ADGRL2: variants seen among roughly 807,000 people sequenced by gnomAD.
The protein encoded by ADGRL2 is calcium-independent alpha-latrotoxin receptor 2.
ADGRL2 carries 44 observed loss-of-function variants against 157.4 expected under a neutral mutation model. That is an observed-to-expected ratio of 0.28 (90% CI 0.22 to 0.36). ADGRL2 has a LOEUF of 0.36. Among genes scored for constraint, ADGRL2 ranks in the 10% least tolerant of loss-of-function variants. The probability of loss-of-function intolerance (pLI) is 1.00; values close to 1 mark genes in which losing one functional copy is unlikely to be tolerated. For synonymous variants in ADGRL2, 585 were observed against 624.7 expected (o/e 0.94, Z 0.95); for missense variants, 1,510 against 1,768.9 (o/e 0.85, Z 2.63).
chr1:81,894,126 G>T (rs771619681), intron 2 of ADGRL2, among the ~76,000 whole-genome samples: 4 of 152,158 alleles, frequency 2.6e-5, no homozygotes, highest in Non-Finnish European at 5.9e-5. Flanking sequence ...TCTGGAAGTG[G>T]TAGAGTTGTC....
intron 2 of ADGRL2, among the ~76,000 whole-genome samples, chr1:81,452,802 T>C (rs996061830): frequency 2.0e-5 from 3 of 152,134 alleles, no homozygotes; most frequent in Non-Finnish European, 1.5e-5. Context: ...GATGAAGATA[T>C]GAAACCTAAA....
At chr1:81,673,638 C>T (rs2082921893) in intron 3 of ADGRL2, among the ~76,000 whole-genome samples, 1 of 151,718 alleles carries the variant, frequency 6.6e-6, no homozygotes, top group African/African-American at 2.4e-5. Context: ...CCTCAGCCTC[C>T]CAAGGAGCTG....
intron 2 of ADGRL2, among the ~76,000 whole-genome samples, chr1:81,896,472 C>G (rs1362103277): frequency 1.3e-5 from 2 of 152,042 alleles, no homozygotes; most frequent in African/African-American, 4.8e-5. Flanking sequence ...AAAATGTCAT[C>G]TTTGTCCTGT....
At chr1:81,430,265 C>T (rs1483262049) in intron 1 of ADGRL2, among the ~76,000 whole-genome samples, 1 of 152,128 alleles carries the variant, frequency 6.6e-6, no homozygotes, top group Admixed American at 6.5e-5. Flanking sequence ...GTAGCAAGTG[C>T]TTGATGAAAA....
chr1:81,745,476 G>A (rs1428592875), intron 1 of ADGRL2, among the ~76,000 whole-genome samples: 2 of 152,156 alleles, frequency 1.3e-5, no homozygotes, highest in Non-Finnish European at 2.9e-5. Context: ...CAACAGAAAT[G>A]GCAATTTCAT....
At chr1:81,342,504 T>C (rs898054469) in intron 1 of ADGRL2, among the ~76,000 whole-genome samples, 1 of 152,176 alleles carries the variant, frequency 6.6e-6, no homozygotes, top group Non-Finnish European at 1.5e-5. Flanking sequence ...AGTCTACTAT[T>C]TTATAACAAA....
intron 3 of ADGRL2, among the ~76,000 whole-genome samples, chr1:81,666,816 T>G (rs2148899592): frequency 6.6e-6 from 1 of 152,350 alleles, no homozygotes; most frequent in South Asian, 2.1e-4. Flanking sequence ...CCATTGGCCT[T>G]ATGGTCAACC....
At chr1:81,828,407 G>GT (rs776394888) in intron 1 of ADGRL2, among the ~76,000 whole-genome samples, 38 of 150,852 alleles carry the variant, frequency 2.5e-4, no homozygotes, top group African/African-American at 3.7e-4. Flanking sequence ...CATTGGAAAT[G>GT]TTTTTTTTTA....
At chr1:81,730,569 A>C (rs1311039220) in intron 1 of ADGRL2, among the ~76,000 whole-genome samples, 1 of 152,056 alleles carries the variant, frequency 6.6e-6, no homozygotes, top group Non-Finnish European at 1.5e-5. Flanking sequence ...CTAAAATTAC[A>C]AAACTTAGCC....
intron 1 of ADGRL2, among the ~76,000 whole-genome samples, chr1:81,373,789 T>A (rs2076200441): frequency 6.6e-6 from 1 of 152,186 alleles, no homozygotes; most frequent in African/African-American, 2.4e-5. Flanking sequence ...GTTTGAATGA[T>A]GACACGGAGG....
chr1:81,404,374 T>C (rs1436646080), intron 1 of ADGRL2, among the ~76,000 whole-genome samples: 1 of 152,228 alleles, frequency 6.6e-6, no homozygotes, highest in Admixed American at 6.5e-5. Context: ...TAGCGTTTAG[T>C]ATGTCCCAGA....
chr1:81,573,104 C>G (rs1200229295), intron 2 of ADGRL2, among the ~76,000 whole-genome samples: 1 of 151,874 alleles, frequency 6.6e-6, no homozygotes, highest in East Asian at 1.9e-4. Flanking sequence ...GCAAAACTCT[C>G]TAATTTAATA....
At position 81,312,011 on chromosome 1, in the gene ADGRL2, C is replaced by T. The variant is rs567900471; in HGVS notation, c.-302+5502C>T. On this transcript the variant is annotated intron_variant, in intron 1 of 24. Coordinates refer to the ADGRL2 transcript ENST00000370721. ...ACTTCAGTTTTCAGCTTTTAAACCT[C>T]TGTCACTAAATCTTCAGACACTATA... 2.5e-4 allele frequency among the ~76,000 whole-genome samples: 38 copies of T among 152,262 alleles called. No homozygotes were observed. The Middle Eastern group carries it at 0.01, about 41-fold the overall frequency.
At chr1:81,349,934 C>A (rs938616510) in intron 1 of ADGRL2, among the ~76,000 whole-genome samples, 1 of 152,088 alleles carries the variant, frequency 6.6e-6, no homozygotes, top group Non-Finnish European at 1.5e-5. Flanking sequence ...GTCAAGAAAG[C>A]ACTTTACAAT....
intron 1 of ADGRL2, among the ~76,000 whole-genome samples, chr1:81,382,742 A>G (rs978685727): frequency 2.6e-5 from 4 of 152,216 alleles, no homozygotes; most frequent in African/African-American, 4.8e-5. Flanking sequence ...GATTGATACA[A>G]TTGGTCTTAT....
chr1:81,347,644 A>C (rs1320002064), intron 1 of ADGRL2, among the ~76,000 whole-genome samples: 1 of 152,198 alleles, frequency 6.6e-6, no homozygotes, highest in Non-Finnish European at 1.5e-5. Flanking sequence ...ATTGTTAATC[A>C]AAAAGGAATC....
At chr1:81,391,934 T>G (rs2101135801) in intron 1 of ADGRL2, among the ~76,000 whole-genome samples, 1 of 152,336 alleles carries the variant, frequency 6.6e-6, no homozygotes, top group East Asian at 1.9e-4. Flanking sequence ...ACCTACTATG[T>G]GCTTTATGTG....
chr1:81,643,802 A>C (rs1485976360), intron 3 of ADGRL2, among the ~76,000 whole-genome samples: 1 of 152,240 alleles, frequency 6.6e-6, no homozygotes, highest in African/African-American at 2.4e-5. Flanking sequence ...AAGACTCAAT[A>C]TTGCCAAGAT....
chr1:81,335,839 A>G (rs1488461475), intron 1 of ADGRL2, among the ~76,000 whole-genome samples: 1 of 151,948 alleles, frequency 6.6e-6, no homozygotes, highest in Non-Finnish European at 1.5e-5. Flanking sequence ...GTGTTTAAAA[A>G]AAAAAAAAAC....
Sources: gnomAD v4.1 joint callset for allele counts (sites outside exome capture counted in the v4.1 genomes callset) on GRCh38, gnomAD v4.1.1 for gene constraint, MANE v1.5 for transcripts, NCBI Gene and HGNC (gene_info 2026-07-23, HGNC 2026-07-21) for gene names.